UGDH: variants seen among roughly 807,000 people sequenced by gnomAD.
UGDH encodes UDP-glucose 6-dehydrogenase.
In UGDH, 38 loss-of-function variants were observed where a neutral mutation model predicts 50.6. The ratio of observed to expected loss-of-function variants is 0.75; its 90% CI spans 0.58 to 0.98. The LOEUF is 0.98. Among genes scored for constraint, UGDH ranks in the 50% least tolerant of loss-of-function variants. The pLI is 0.00. For missense variants in UGDH, 465 were observed against 606.2 expected (o/e 0.77, Z 2.45); for synonymous variants, 168 against 199.9 (o/e 0.84, Z 1.35).
intron 9 of UGDH, 97 bp from the exon 10 acceptor site, chr4:39,504,605 C>G (rs190533292): frequency 9.5e-7 from 1 of 1,047,346 alleles, no homozygotes; most frequent in East Asian, 2.6e-5. Flanking sequence ...ATTCCAAGAC[C>G]CCCAGTAGAT....
At chr4:39,521,048 C>T (rs1451923402) in intron 2 of UGDH, among the ~76,000 whole-genome samples, 2 of 130,376 alleles carry the variant, frequency 1.5e-5, no homozygotes, top group African/African-American at 3.1e-5. Flanking sequence ...CCAGCCTGGG[C>T]GACAGAGGAA....
chr4:39,505,026 T>C (rs772612168), intron 9 of UGDH, among the ~76,000 whole-genome samples: 17 of 152,208 alleles, frequency 1.1e-4, no homozygotes, highest in South Asian at 4.2e-4. Context: ...ATTTGTGGAG[T>C]ATGTTGGAAA....
chr4:39,523,964 G>A (rs191376088), intron 1 of UGDH, among the ~76,000 whole-genome samples: 274 of 152,154 alleles, frequency 1.8e-3, no homozygotes, highest in African/African-American at 5.3e-3. Context: ...CCGTTTTCTT[G>A]TATATCCTCC....
intron 2 of UGDH, among the ~76,000 whole-genome samples, chr4:39,517,783 C>T (rs1056504731): frequency 2.6e-5 from 4 of 152,048 alleles, no homozygotes; most frequent in African/African-American, 9.7e-5. Context: ...TGGAATTATA[C>T]GGTATGTACT....
At position 39,503,941 on chromosome 4, in the gene UGDH, G is replaced by C. The variant is rs143332236; in HGVS notation, c.1308C>G (p.Ala436=). 269 of 1,614,154 alleles carry C rather than the reference G, an allele frequency of 1.7e-4. No individual in the cohort carries two copies. In the African/African-American group the frequency reaches 3.2e-3, roughly 19 times the overall value. The change falls in exon 11 of 12, where the codon GCC becomes GCG. Residue 436 remains alanine (A), a synonymous_variant. Transcript: ENST00000316423. The stretch of plus-strand genomic sequence containing the variant: ...GGACACGCCGTCCATCGAAGATAAA[G>C]GCTGGCTTTAGCATTTTTTTATGAA... The part of the protein sequence containing the change: ...ERIHKKMLKP[A]FIFDGRRVLD...
rs1290408243 is a variant in UGDH at position 39,505,359 on chromosome 4, C to T, written c.1049G>A (p.Ser350Asn). 3 of 1,542,808 alleles carry T rather than the reference C, an allele frequency of 1.9e-6. No homozygotes were observed. In the African/African-American group the frequency reaches 4.4e-5, roughly 23 times the overall value. ...KDTGDTRESS[S>N]IYISKYLMDE... ...CATCAAATATTTGCTAATATATATA[C>T]TAGAAGATTCTCTATAGGAAAAAAA... The change falls in exon 9 of 12, where the codon AGT (serine) becomes AAT (asparagine). Residue 350 changes from serine (S) to asparagine (N), a missense_variant. Transcript: ENST00000316423.
chr4:39,522,419 A>G (rs1281804321), intron 1 of UGDH, among the ~76,000 whole-genome samples: 1 of 152,244 alleles, frequency 6.6e-6, no homozygotes, highest in Non-Finnish European at 1.5e-5. Context: ...AATGGTAATC[A>G]GAGAGTTTAA....
intron 9 of UGDH, 105 bp from the exon 10 acceptor site, chr4:39,504,613 G>A: frequency 2.0e-6 from 2 of 991,826 alleles, no homozygotes; most frequent in Non-Finnish European, 3.1e-6. Context: ...ACCCCCAGTA[G>A]ATGTCTGAAA....
In UGDH at chr4:39,527,169, C is replaced by A. The variant is rs931952520; in HGVS notation, c.-8+114G>T. 6.3e-6 allele frequency: 8 copies of A among 1,268,990 alleles called. No homozygotes were observed. The Admixed American group carries it at 7.0e-5, about 11-fold the overall frequency. The allele number at this position is 1,268,990 out of a possible 1,614,324, so 78.6% of individuals were successfully genotyped here. On this transcript the variant is annotated intron_variant, in intron 1 of 11. Coordinates refer to ENST00000316423, the MANE Select transcript of UGDH (RefSeq NM_003359.4). ...GTGAGACGGGAAGCCCGGGACCCAG[C>A]GCAGCGAGCGACCGGGAGCAGCGCG...
chr4:39,503,532 AAGTAG>A (rs1308397390), intron 11 of UGDH, among the ~76,000 whole-genome samples: 1 of 152,184 alleles, frequency 6.6e-6, no homozygotes, highest in East Asian at 1.9e-4. Context: ...GGAAGTAGAG[AAGTAG>A]AGTAGTCAGA....
chr4:39,523,511 A>T (rs1239036013), intron 1 of UGDH, among the ~76,000 whole-genome samples: 1 of 152,180 alleles, frequency 6.6e-6, no homozygotes, highest in African/African-American at 2.4e-5. Flanking sequence ...ATTTTTAAAA[A>T]TTATTTATTC....
Position 39,523,466 on chromosome 4 carries a change from T to A in UGDH, c.-7-1947A>T, listed in dbSNP as rs1379276237. Among the ~76,000 whole-genome samples the A allele has an allele frequency of 5.9e-5, 9 of 152,200 alleles. No homozygotes were observed. In the South Asian group the frequency reaches 1.9e-3, roughly 32 times the overall value. ...AATAGAACAGTATTCTATTTGAATC[T>A]GTATTCAAATAGTATTCTTAGCCAT... On this transcript the variant is annotated intron_variant, in intron 1 of 11. Transcript: ENST00000316423.
intron 9 of UGDH, 75 bp downstream of exon 9, chr4:39,505,162 A>G: frequency 6.9e-7 from 1 of 1,451,102 alleles, no homozygotes; most frequent in Non-Finnish European, 9.2e-7. Context: ...ATAAAACTGA[A>G]CAACCTAAGG....
chr4:39,500,818 C>A (rs1475132965), intron 11 of UGDH, among the ~76,000 whole-genome samples: 1 of 151,982 alleles, frequency 6.6e-6, no homozygotes, highest in Non-Finnish European at 1.5e-5. Context: ...CCACACCTGG[C>A]TAATTTTTGT....
At position 39,500,653 on chromosome 4, in the gene UGDH, CTT is replaced by C. The variant is rs11284301; in HGVS notation, c.1375-402_1375-401del. 3.7e-3 allele frequency among the ~76,000 whole-genome samples: 504 copies of C among 135,212 alleles called. 1 individual carries two copies. Among genetic ancestry groups the C allele is most frequent in the African/African-American group, 0.011 (413 of 37,210 alleles). The allele number at this position is 135,212 out of a possible 152,430, so 88.7% of individuals were successfully genotyped here. ...CTGCAAAAGCTAACAGCATAATTCT[CTT>C]TTTTTTTTTTTTTTTTCTTGAGATG... On this transcript the variant is annotated intron_variant, in intron 11 of 11. Coordinates refer to ENST00000316423, the MANE Select transcript of UGDH (RefSeq NM_003359.4).
intron 2 of UGDH, among the ~76,000 whole-genome samples, chr4:39,518,470 C>T (rs1251977466): frequency 1.3e-5 from 2 of 151,936 alleles, no homozygotes; most frequent in African/African-American, 4.8e-5. Flanking sequence ...TGCCTCAACT[C>T]CTCAAGTAGC....
At chr4:39,508,949 C>T (rs1358229681) in intron 6 of UGDH, among the ~76,000 whole-genome samples, 5 of 144,498 alleles carry the variant, frequency 3.5e-5, no homozygotes, top group Non-Finnish European at 6.0e-5. Flanking sequence ...AGTATGACTG[C>T]CCCACATTCT....
chr4:39,524,160 T>C (rs2109950557), intron 1 of UGDH, among the ~76,000 whole-genome samples: 1 of 152,306 alleles, frequency 6.6e-6, no homozygotes, highest in African/African-American at 2.4e-5. Context: ...CCACTTAATC[T>C]CCTAGCCAAA....
At chr4:39,514,220 C>T (rs1746359039) in intron 2 of UGDH, 36 bp from the exon 3 acceptor site, 1 of 1,476,846 alleles carries the variant, frequency 6.8e-7, no homozygotes, top group Non-Finnish European at 9.3e-7. Flanking sequence ...GTACATATAG[C>T]TTGCCAGTGA....
Sources: gnomAD v4.1 joint callset for allele counts (sites outside exome capture counted in the v4.1 genomes callset) on GRCh38, gnomAD v4.1.1 for gene constraint, MANE v1.5 for transcripts, NCBI Gene and HGNC (gene_info 2026-07-23, HGNC 2026-07-21) for gene names.